TTC23: variants seen among roughly 807,000 people sequenced by gnomAD.
The protein encoded by TTC23 is tetratricopeptide repeat protein 23.
Under a neutral mutation model 55.1 loss-of-function variants are expected in TTC23, and 58 were observed. That is an observed-to-expected ratio of 1.05 (90% CI 0.85 to 1.31). TTC23 has a LOEUF of 1.31. Ranked by LOEUF, TTC23 falls within the 50% of genes most tolerant of loss-of-function variation. The pLI is 0.00. For synonymous variants in TTC23, 203 were observed against 199.9 expected (o/e 1.02, Z -0.13); for missense variants, 516 against 534.4 (o/e 0.97, Z 0.34).
At chr15:99,154,170 T>C (rs1182256326) in intron 12 of TTC23, among the ~76,000 whole-genome samples, 1 of 152,238 alleles carries the variant, frequency 6.6e-6, no homozygotes, top group East Asian at 1.9e-4. Flanking sequence ...GGAGTTTCAA[T>C]GCTGCATAAA....
intron 3 of TTC23, among the ~76,000 whole-genome samples, chr15:99,237,100 G>C (rs1224361068): frequency 6.6e-6 from 1 of 151,752 alleles, no homozygotes; most frequent in Non-Finnish European, 1.5e-5. Context: ...TCCTGCCTCA[G>C]CCTCCTGAGT....
chr15:99,157,329 A>G (rs764880079), intron 11 of TTC23: 1 of 150,430 alleles, frequency 6.6e-6, no homozygotes, highest in Non-Finnish European at 1.5e-5. Flanking sequence ...CTCCTGCCTC[A>G]TCCTCCCAAG....
intron 8 of TTC23, among the ~76,000 whole-genome samples, chr15:99,211,735 T>C (rs1271252903): frequency 6.6e-6 from 1 of 152,316 alleles, no homozygotes. Flanking sequence ...GGAGGTCTTA[T>C]TATTTTCACT....
At chr15:99,218,365 C>T (rs996443534) in intron 8 of TTC23, among the ~76,000 whole-genome samples, 3 of 152,110 alleles carry the variant, frequency 2.0e-5, no homozygotes, top group Non-Finnish European at 4.4e-5. Context: ...ATGATCAGAA[C>T]TCTGGGACCC....
At chr15:99,165,508 C>T (rs1417908548) in intron 10 of TTC23, among the ~76,000 whole-genome samples, 1 of 152,218 alleles carries the variant, frequency 6.6e-6, no homozygotes, top group Non-Finnish European at 1.5e-5. Context: ...CATGTAGATT[C>T]CAGGCAGTTG....
chr15:99,203,340 T>C (rs2076349184), intron 8 of TTC23, among the ~76,000 whole-genome samples: 1 of 152,056 alleles, frequency 6.6e-6, no homozygotes, highest in African/African-American at 2.4e-5. Context: ...TTTTAAATTA[T>C]TATGGATACA....
intron 12 of TTC23, among the ~76,000 whole-genome samples, chr15:99,150,963 T>C (rs890616948): frequency 6.6e-6 from 1 of 152,204 alleles, no homozygotes; most frequent in Non-Finnish European, 1.5e-5. Flanking sequence ...TGGGAATTCC[T>C]GTTTCTCTTA....
Position 99,228,486 on chromosome 15 carries a change from A to T in TTC23, c.180+47T>A, listed in dbSNP as rs954727583. The T allele has an allele frequency of 2.0e-6, 3 of 1,507,820 alleles. No individual in the cohort carries two copies. In the South Asian group the frequency reaches 3.8e-5, roughly 19 times the overall value. 93.4% of individuals were successfully genotyped at this position (1,507,820 alleles called of 1,614,324 possible). ...ATTCTACTTCTCTTGATTATACCAT[A>T]TAGCTCAATTCTCAGAGTAGAAATA... On this transcript the variant is annotated intron_variant, in intron 5 of 13. Transcript: ENST00000394132.
chr15:99,139,280 G>T, intron 13 of TTC23, 37 bp downstream of exon 13: 1 of 1,587,310 alleles, frequency 6.3e-7, no homozygotes, highest in Non-Finnish European at 8.5e-7. Flanking sequence ...AATGGAAAGG[G>T]AATGAGATAG....
At chr15:99,181,570 G>A (rs556334409) in intron 9 of TTC23, among the ~76,000 whole-genome samples, 1 of 152,296 alleles carries the variant, frequency 6.6e-6, no homozygotes, top group African/African-American at 2.4e-5. Context: ...CTGTGAAGCT[G>A]CATAGCTTGC....
In TTC23 at chr15:99,137,811, T is replaced by C; in HGVS notation, c.*199A>G. 2.5e-6 allele frequency: 2 copies of C among 795,140 alleles called. No homozygotes were observed. The highest frequency in any genetic ancestry group is 3.8e-6 in the Non-Finnish European group (2 of 521,632). 49.3% of individuals were successfully genotyped at this position (795,140 alleles called of 1,614,324 possible). ...TGATAGAAAACTGCTTTATAGCATA[T>C]ATCACCCTGAAGGGCATCCACTGTC... On this transcript the variant is annotated 3_prime_UTR_variant, in exon 14 of 14. Coordinates refer to ENST00000394132, the MANE Select transcript of TTC23 (RefSeq NM_001288615.3).
At chr15:99,151,330 C>G (rs1424895859) in intron 12 of TTC23, 1 of 152,222 alleles carries the variant, frequency 6.6e-6, no homozygotes, top group Admixed American at 6.5e-5. Flanking sequence ...CAGGGGTGGG[C>G]CCTGGATTCA....
chr15:99,202,006 T>C (rs2076239481), intron 8 of TTC23, among the ~76,000 whole-genome samples: 1 of 152,198 alleles, frequency 6.6e-6, no homozygotes, highest in South Asian at 2.1e-4. Context: ...AATCTGCTGT[T>C]TTTGTAAATA....
At chr15:99,169,248 G>A (rs975430719) in intron 10 of TTC23, among the ~76,000 whole-genome samples, 1 of 152,302 alleles carries the variant, frequency 6.6e-6, no homozygotes, top group South Asian at 2.1e-4. Context: ...CCCTGAGAAG[G>A]GACAGAGGAA....
At chr15:99,140,903 T>TACCAA (rs1293423175) in intron 12 of TTC23, 1 of 152,044 alleles carries the variant, frequency 6.6e-6, no homozygotes, top group South Asian at 2.1e-4. Flanking sequence ...TAATGAGAAA[T>TACCAA]ACCAAACCAA....
chr15:99,207,231 G>C (rs540642125), intron 8 of TTC23, among the ~76,000 whole-genome samples: 4 of 152,156 alleles, frequency 2.6e-5, no homozygotes, highest in African/African-American at 9.6e-5. Flanking sequence ...AAAAACTCTT[G>C]TGCATCAAAA....
chr15:99,193,980 G>T (rs1174898837), intron 9 of TTC23, among the ~76,000 whole-genome samples: 4 of 151,646 alleles, frequency 2.6e-5, no homozygotes, highest in Non-Finnish European at 5.9e-5. Context: ...CTGCACTCCA[G>T]CCTGGGTGGC....
intron 3 of TTC23, among the ~76,000 whole-genome samples, chr15:99,240,411 TA>T (rs55646343): frequency 1.3e-5 from 2 of 152,068 alleles, no homozygotes; most frequent in African/African-American, 2.4e-5. Context: ...TTTCGCCAGT[TA>T]AAAAAAATTG....
intron 12 of TTC23, among the ~76,000 whole-genome samples, chr15:99,148,186 C>G (rs1328589718): frequency 6.6e-6 from 1 of 151,494 alleles, no homozygotes; most frequent in Admixed American, 6.6e-5. Context: ...CATGGTGAAA[C>G]CCCATCTCAA....
Sources: gnomAD v4.1 joint callset for allele counts (sites outside exome capture counted in the v4.1 genomes callset) on GRCh38, gnomAD v4.1.1 for gene constraint, MANE v1.5 for transcripts, NCBI Gene and HGNC (gene_info 2026-07-23, HGNC 2026-07-21) for gene names.